Variants in IL17B observed in about 807,000 individuals in gnomAD.
IL17B encodes interleukin 17B.
Under a neutral mutation model 14.7 loss-of-function variants are expected in IL17B, and 14 were observed. That is an observed-to-expected ratio of 0.95 (90% CI 0.63 to 1.49). The LOEUF (loss-of-function observed/expected upper bound fraction) is 1.49, where lower values mean the gene tolerates loss of function less well. Among genes scored for constraint, IL17B ranks in the 40% most tolerant of loss-of-function variants. IL17B has a pLI of 0.00. For missense variants in IL17B, 233 were observed against 252.8 expected, an observed-to-expected ratio of 0.92 and a Z score of 0.53; for synonymous variants, 105 against 94.8, an observed-to-expected ratio of 1.11 and a Z score of -0.62.
At chr5:149,393,416 T>C (rs1046363018) in intron 1 of IL17B, among the ~76,000 whole-genome samples, 8 of 152,224 alleles carry the variant, frequency 5.3e-5, no homozygotes, top group Non-Finnish European at 1.2e-4. Flanking sequence ...GGACGTTCCC[T>C]GAAAGCAAGG....
chr5:149,374,400 G>T lies in IL17B; in HGVS notation c.512C>A (p.Thr171Asn). The change falls in exon 3 of 3, where the codon ACC becomes AAC. Residue 171 changes from threonine (T) to asparagine (N), a missense_variant. Physicochemically the swap from Thr to Asn is moderately conservative, Grantham distance 65 (BLOSUM62 0). Transcript: ENST00000261796. The surrounding 1 kb of genome is among the most constrained non-coding windows in gnomAD (Gnocchi z 5.0). ...GATGCAGGTGCAGCCCACAGCGATGGTCTCCATGACTGCGCGCTGGCGGCA... is the reference window on the plus strand; with the variant it reads ...GATGCAGGTGCAGCCCACAGCGATGTTCTCCATGACTGCGCGCTGGCGGCA... ...GPCRQRAVME[T>N]IAVGCTCIF 3 of 1,594,810 alleles carry T rather than the reference G, an allele frequency of 1.9e-6. No homozygotes were observed. The highest frequency in any genetic ancestry group is 2.6e-6 in the Non-Finnish European group (3 of 1,172,230).
chr5:149,385,582 G>A (rs768250934), intron 1 of IL17B, among the ~76,000 whole-genome samples: 2 of 152,248 alleles, frequency 1.3e-5, no homozygotes, highest in African/African-American at 4.8e-5. Context: ...GAGAGAGCCT[G>A]TGGGGGACGT....
At chr5:149,382,994 G>T (rs867121116), upstream of IL17B, among the ~76,000 whole-genome samples, 1 of 152,344 alleles carries the variant, frequency 6.6e-6, no homozygotes, top group Middle Eastern at 3.4e-3. Context: ...GCAGCCGGGA[G>T]GGCAGAGGTC....
intron 2 of IL17B, among the ~76,000 whole-genome samples, chr5:149,376,357 G>A (rs977380383): frequency 3.3e-5 from 5 of 152,238 alleles, no homozygotes; most frequent in African/African-American, 7.2e-5. Context: ...CAGCATAAGA[G>A]ACAGACTGGA....
chr5:149,399,300 G>C (rs76391126), intron 1 of IL17B, among the ~76,000 whole-genome samples: 14 of 152,172 alleles, frequency 9.2e-5, no homozygotes, highest in African/African-American at 1.4e-4. Context: ...CACACAGCAA[G>C]TTAGTGGCAC....
intron 1 of IL17B, among the ~76,000 whole-genome samples, chr5:149,403,848 T>C (rs1022956053): frequency 6.6e-6 from 1 of 152,208 alleles, no homozygotes; most frequent in Non-Finnish European, 1.5e-5. Context: ...GCTTAAAAAG[T>C]ATTTCCCATG....
At chr5:149,382,361 T>G (rs1387213974), upstream of IL17B, among the ~76,000 whole-genome samples, 1 of 152,118 alleles carries the variant, frequency 6.6e-6, no homozygotes, top group Non-Finnish European at 1.5e-5. Flanking sequence ...GAGTGAGTGA[T>G]TGCCTTTACT....
chr5:149,379,104 T>G, intron 1 of IL17B, 101 bp downstream of exon 1: 1 of 1,459,956 alleles, frequency 6.8e-7, no homozygotes, highest in Non-Finnish European at 9.6e-7. Context: ...CTCTGCAGAT[T>G]CTAAACCAAA....
At chr5:149,383,548 T>C (rs1758753875), upstream of IL17B, among the ~76,000 whole-genome samples, 1 of 152,192 alleles carries the variant, frequency 6.6e-6, no homozygotes, top group Non-Finnish European at 1.5e-5. Flanking sequence ...CCTGCCATGC[T>C]GCCCTCCCCT....
At chr5:149,395,255 T>C (rs954241705) in intron 1 of IL17B, among the ~76,000 whole-genome samples, 12 of 152,220 alleles carry the variant, frequency 7.9e-5, no homozygotes, top group Non-Finnish European at 8.8e-5. Context: ...ATCTCCTTTA[T>C]CCAGTCTGCC....
intron 1 of IL17B, among the ~76,000 whole-genome samples, chr5:149,378,546 T>G (rs1758605248): frequency 6.6e-6 from 1 of 152,206 alleles, no homozygotes. Context: ...GTTCCCTGTA[T>G]GCCTCACCTC....
intron 1 of IL17B, among the ~76,000 whole-genome samples, chr5:149,391,662 G>C (rs920812516): frequency 6.6e-6 from 1 of 152,152 alleles, no homozygotes; most frequent in South Asian, 2.1e-4. Context: ...CATCTCTCAA[G>C]TGTCATTCCT....
chr5:149,399,523 C>T (rs1013746191), intron 1 of IL17B, among the ~76,000 whole-genome samples: 1 of 151,514 alleles, frequency 6.6e-6, no homozygotes, highest in South Asian at 2.1e-4. Flanking sequence ...AATAAAGAAA[C>T]AAATTTGGGT....
At chr5:149,386,341 T>C (rs353275) in intron 1 of IL17B, among the ~76,000 whole-genome samples, 23,483 of 152,170 alleles carry the variant, frequency 0.15, 1,978 homozygotes, top group African/African-American at 0.18. Context: ...CTGAGAGCTG[T>C]GCACAACACA....
chr5:149,374,646 G>A lies in IL17B; in HGVS notation c.312-46C>T. The A allele has an allele frequency of 1.3e-6, 2 of 1,489,170 alleles. No individual in the cohort carries two copies. Among genetic ancestry groups the A allele is most frequent in the East Asian group, 2.3e-5 (1 of 43,366 alleles). The allele number at this position is 1,489,170 out of a possible 1,614,324, so 92.2% of individuals were successfully genotyped here. ...AGCAGAGCGGAAGGTGATCAGGAAAGGGCCAGTCAGCACCCATACTCCACA... is the reference window on the plus strand; with the variant it reads ...AGCAGAGCGGAAGGTGATCAGGAAAAGGCCAGTCAGCACCCATACTCCACA... On this transcript the variant is annotated intron_variant, in intron 2 of 2. Coordinates refer to ENST00000261796, the MANE Select transcript of IL17B (RefSeq NM_014443.3). This position sits in a 1 kb window ranked among gnomAD's most constrained non-coding sequence, Gnocchi z 5.0.
At chr5:149,384,020 A>AG (rs1452800831), upstream of IL17B, among the ~76,000 whole-genome samples, 2 of 152,242 alleles carry the variant, frequency 1.3e-5, no homozygotes, top group African/African-American at 4.8e-5. Context: ...CATCAGAGGT[A>AG]GGGGATACCT....
intron 1 of IL17B, among the ~76,000 whole-genome samples, chr5:149,378,068 C>T (rs539502607): frequency 5.9e-5 from 9 of 151,732 alleles, no homozygotes; most frequent in Admixed American, 1.3e-4. Flanking sequence ...GGCCTGAACC[C>T]GGGAGGCGGA....
chr5:149,382,294 C>T (rs1391665835), upstream of IL17B, among the ~76,000 whole-genome samples: 1 of 151,996 alleles, frequency 6.6e-6, no homozygotes, highest in Non-Finnish European at 1.5e-5. Context: ...TCGGGGTCAC[C>T]GATTCCAGGT....
chr5:149,374,456 G>A lies in IL17B; in HGVS notation c.456C>T (p.Arg152=). ...CTGTGCGGGGCGGTGGCGGGCAGAG[G>A]CGGCGGCGCACAGGAACCTGGCTGA... ...PVFSQVPVRR[R]LCPPPPRTGP... Residue 152 remains arginine, a synonymous_variant, in exon 3 of 3, where the codon CGC becomes CGT. Transcript: ENST00000261796. The surrounding 1 kb of genome is among the most constrained non-coding windows in gnomAD (Gnocchi z 5.0). The A allele has an allele frequency of 1.9e-6, 3 of 1,611,514 alleles. No individual in the cohort carries two copies. Among genetic ancestry groups the A allele is most frequent in the Non-Finnish European group, 2.5e-6 (3 of 1,179,746 alleles).
Sources: gnomAD v4.1 joint callset for allele counts (sites outside exome capture counted in the v4.1 genomes callset) on GRCh38, gnomAD v4.1.1 for gene constraint, Gnocchi (gnomAD v3.1) non-coding constraint, MANE v1.5 for transcripts, NCBI Gene and HGNC (gene_info 2026-07-23, HGNC 2026-07-21) for gene names.